Variants in UNC5B observed in about 807,000 individuals in gnomAD.
The protein encoded by UNC5B is netrin receptor UNC5B.
A neutral mutation model predicts 103.7 loss-of-function variants in UNC5B; 56 were observed. That is an observed-to-expected ratio of 0.54 (90% CI 0.44 to 0.67). The LOEUF is 0.67. UNC5B is among the 30% of genes least tolerant of loss of function. The pLI is 0.00. For missense variants in UNC5B, 1,194 were observed against 1,284.5 expected (o/e 0.93, Z 1.08); for synonymous variants, 577 against 542.0 (o/e 1.06, Z -0.90).
rs748594738 is a variant in UNC5B at position 71,280,013 on chromosome 10, A to G, written c.272A>G (p.His91Arg). Reference protein sequence around the residue: ...CNGEWVSQNDHVTQEGLDEAT... With the variant: ...CNGEWVSQNDRVTQEGLDEAT... ...GGCGAGTGGGTCAGCCAGAACGACC[A>G]CGTCACACAGGAAGGCCTGGATGAG... The change falls in exon 2 of 17, where the codon CAC (histidine) becomes CGC (arginine). Residue 91 changes from histidine to arginine, a missense_variant. Coordinates refer to ENST00000335350, the MANE Select transcript of UNC5B (RefSeq NM_170744.5). The G allele has an allele frequency of 6.2e-7, 1 of 1,614,018 alleles. No homozygotes were observed. Among genetic ancestry groups the G allele is most frequent in the Non-Finnish European group, 8.5e-7 (1 of 1,180,006 alleles).
Position 71,260,915 on chromosome 10 carries a change from T to A in UNC5B, c.80-18906T>A, listed in dbSNP as rs1430058905. On this transcript the variant is annotated intron_variant, in intron 1 of 16. Coordinates refer to ENST00000335350, the MANE Select transcript of UNC5B (RefSeq NM_170744.5). ...AGCCCTGCGGAGAGGTTGCTGCTGT[T>A]GCGCTGGGACACCTCCGCTGCTGAG... is the stretch of plus-strand genomic sequence containing the variant. Among the ~76,000 whole-genome samples, 6 of 152,328 alleles carry A rather than the reference T, an allele frequency of 3.9e-5. No individual in the cohort carries two copies. In the South Asian group the frequency reaches 1.2e-3, roughly 32 times the overall value.
chr10:71,224,686 A>G (rs750841863), intron 1 of UNC5B, among the ~76,000 whole-genome samples: 2 of 152,098 alleles, frequency 1.3e-5, no homozygotes, highest in Admixed American at 6.5e-5. Context: ...TGGGCCCCCA[A>G]TTGGTTGTGG....
In UNC5B at chr10:71,212,921, G is replaced by A. The variant is rs1239239465; in HGVS notation, c.-65G>A. 3 of 1,208,000 alleles carry A rather than the reference G, an allele frequency of 2.5e-6. No homozygotes were observed. In the East Asian group the frequency reaches 9.4e-5, roughly 38 times the overall value. The allele number at this position is 1,208,000 out of a possible 1,614,324, so 74.8% of individuals were successfully genotyped here. A position where few individuals can be genotyped will look rare whatever the true frequency, so the allele number is the denominator to read the frequency against. ...AGGAGGCGGCGGCGGCGGAGACGGCGGCGGCGAGACTGGGGCCAGGGAGAC... is the reference window on the plus strand; with the variant it reads ...AGGAGGCGGCGGCGGCGGAGACGGCAGCGGCGAGACTGGGGCCAGGGAGAC... On this transcript the variant is annotated 5_prime_UTR_variant, in exon 1 of 17. Transcript: ENST00000335350.
At chr10:71,232,714 T>G (rs1267274188) in intron 1 of UNC5B, among the ~76,000 whole-genome samples, 1 of 152,170 alleles carries the variant, frequency 6.6e-6, no homozygotes, top group African/African-American at 2.4e-5. Flanking sequence ...TTGGTAGCTG[T>G]GATAAGGAAG....
intron 1 of UNC5B, among the ~76,000 whole-genome samples, chr10:71,254,041 C>G (rs765606445): frequency 5.8e-4 from 88 of 152,280 alleles, no homozygotes; most frequent in Admixed American, 3.7e-3. Flanking sequence ...GAAACGGATG[C>G]CTAGTAGAGA....
chr10:71,240,546 C>T (rs960393751), intron 1 of UNC5B, among the ~76,000 whole-genome samples: 6 of 152,212 alleles, frequency 3.9e-5, no homozygotes, highest in African/African-American at 7.2e-5. Context: ...CCATCCCTCG[C>T]CCTGTCTTCA....
At position 71,301,397 on chromosome 10, in the gene UNC5B, G is replaced by A. The variant is rs1179954607; in HGVS notation, c.*2120G>A. On this transcript the variant is annotated 3_prime_UTR_variant, in exon 17 of 17. Coordinates refer to ENST00000335350, the MANE Select transcript of UNC5B (RefSeq NM_170744.5). ...ATTCCTTCTACCAGGGCTGCTGAGG[G>A]GCCAGGCCTGCATCAGGGGCTAGGC... The A allele has an allele frequency of 6.6e-6, 1 of 152,296 alleles. No homozygotes were observed. Among genetic ancestry groups the A allele is most frequent in the Non-Finnish European group, 1.5e-5 (1 of 68,100 alleles). 9.4% of individuals were successfully genotyped at this position (152,296 alleles called of 1,614,324 possible). A position where few individuals can be genotyped will look rare whatever the true frequency, so the allele number is the denominator to read the frequency against.
In UNC5B at chr10:71,299,125, T is replaced by G; in HGVS notation, c.2686T>G (p.Phe896Val). Residue 896 changes from phenylalanine to valine, a missense_variant, in exon 17 of 17, where the codon TTT (phenylalanine) becomes GTT (valine). By Grantham distance (50) the Phe-to-Val change is conservative (BLOSUM62 -1). Transcript: ENST00000335350. ...TCCCTCTGCCAGGTACCTGAATTAC[T>G]TTGCCACCAAAGCGAGCCCCACGGG... ...KLSMDRYLNYFATKASPTGVI... is the reference protein window; with the variant it reads ...KLSMDRYLNYVATKASPTGVI... 1.2e-6 allele frequency: 2 copies of G among 1,614,216 alleles called. No individual in the cohort carries two copies. The highest frequency in any genetic ancestry group is 2.2e-5 in the South Asian group (2 of 91,084).
chr10:71,280,846 AC>A (rs148523813), intron 2 of UNC5B, among the ~76,000 whole-genome samples: 2 of 151,324 alleles, frequency 1.3e-5, no homozygotes, highest in Non-Finnish European at 3.0e-5. Context: ...GGCAGATGGG[AC>A]CCCCCCTTCA....
chr10:71,238,435 G>A (rs562150405), intron 1 of UNC5B, among the ~76,000 whole-genome samples: 1 of 152,070 alleles, frequency 6.6e-6, no homozygotes, highest in African/African-American at 2.4e-5. Flanking sequence ...TCTGATTAGC[G>A]ATAGGCCCTG....
intron 1 of UNC5B, among the ~76,000 whole-genome samples, chr10:71,231,772 T>C (rs1451050319): frequency 6.6e-6 from 1 of 152,132 alleles, no homozygotes; most frequent in Admixed American, 6.5e-5. Context: ...CACACTTATG[T>C]TAAAAAGAGA....
chr10:71,238,362 C>G (rs10999738), intron 1 of UNC5B, among the ~76,000 whole-genome samples: 123 of 152,104 alleles, frequency 8.1e-4, no homozygotes, highest in African/African-American at 2.8e-3. Context: ...TCCAGTGACC[C>G]CAAGTTTTGT....
intron 2 of UNC5B, among the ~76,000 whole-genome samples, 172 bp from the exon 3 acceptor site, chr10:71,284,548 G>A (rs73278216): frequency 0.01 from 1,550 of 152,328 alleles, 31 homozygotes; most frequent in African/African-American, 0.035. Flanking sequence ...GCAATGTGCA[G>A]GTGAGTGGCC....
rs1845321558 is a variant in UNC5B, at chr10:71,293,504, C to T, written c.1872C>T (p.His624=). The change falls in exon 12 of 17, where the codon CAC becomes CAT. Residue 624 remains histidine (H), a synonymous_variant. Coordinates refer to ENST00000335350, the MANE Select transcript of UNC5B (RefSeq NM_170744.5). ...GCCCCGTCATCCTCACCATGCCCCA[C>T]TGTGCCGAAGTCAGTGCCCGTGACT... ...LCRPVILTMP[H]CAEVSARDWI... is the part of the protein sequence containing the mutation. The T allele has an allele frequency of 5.6e-6, 9 of 1,614,110 alleles. No individual in the cohort carries two copies. The highest frequency in any genetic ancestry group is 1.1e-5 in the South Asian group (1 of 91,082).
intron 1 of UNC5B, among the ~76,000 whole-genome samples, chr10:71,240,142 C>T (rs918809130): frequency 3.3e-5 from 5 of 152,190 alleles, no homozygotes; most frequent in Admixed American, 1.3e-4. Flanking sequence ...GAGGGAGTCC[C>T]GGAGATTATG....
intron 1 of UNC5B, among the ~76,000 whole-genome samples, chr10:71,237,413 C>T (rs1843797544): frequency 6.6e-6 from 1 of 152,234 alleles, no homozygotes; most frequent in African/African-American, 2.4e-5. Context: ...AGAGCCGTCT[C>T]ACTCAGTGCT....
At position 71,299,279 on chromosome 10, in the gene UNC5B, C is replaced by A; in HGVS notation, c.*2C>A. On this transcript the variant is annotated 3_prime_UTR_variant, in exon 17 of 17. Transcript: ENST00000335350. Reference sequence around the variant, plus strand: ...GTGGCCACCGACGGGGACTGCTGAGCCTCCTGGGACAGCGGGCTGGCAGGG... The same window carrying A: ...GTGGCCACCGACGGGGACTGCTGAGACTCCTGGGACAGCGGGCTGGCAGGG... The A allele has an allele frequency of 6.2e-7, 1 of 1,613,728 alleles. No individual in the cohort carries two copies. Among genetic ancestry groups the A allele is most frequent in the Non-Finnish European group, 8.5e-7 (1 of 1,179,926 alleles).
intron 2 of UNC5B, 65 bp from the exon 3 acceptor site, chr10:71,284,655 G>C (rs563375957): frequency 6.2e-7 from 1 of 1,602,708 alleles, no homozygotes. Context: ...GAAGGCCGGG[G>C]GTGTCCTGTG....
At chr10:71,275,514 G>A (rs1319594740) in intron 1 of UNC5B, among the ~76,000 whole-genome samples, 1 of 152,222 alleles carries the variant, frequency 6.6e-6, no homozygotes, top group African/African-American at 2.4e-5. Context: ...GAATTGCAAG[G>A]AGTAGCACAT....
Sources: gnomAD v4.1 joint callset for allele counts (sites outside exome capture counted in the v4.1 genomes callset) on GRCh38, gnomAD v4.1.1 for gene constraint, MANE v1.5 for transcripts, NCBI Gene and HGNC (gene_info 2026-07-23, HGNC 2026-07-21) for gene names.